Variants in CENPI observed in about 807,000 individuals in gnomAD.
CENPI encodes the protein FSH primary response 1.
In CENPI, 4 loss-of-function variants were observed where a neutral mutation model predicts 60.4. That is an observed-to-expected ratio of 0.07 (90% CI 0.03 to 0.15). CENPI has a LOEUF of 0.15. Ranked by LOEUF, CENPI falls within the 10% of genes least tolerant of loss-of-function variation. The probability of loss-of-function intolerance (pLI) is 1.00; values close to 1 mark genes in which losing one functional copy is unlikely to be tolerated. For synonymous variants in CENPI, 157 were observed against 189.4 expected (o/e 0.83, Z 1.40); for missense variants, 444 against 534.5 (o/e 0.83, Z 1.67).
chrX:101,107,563 G>GC lies in CENPI; in HGVS notation c.365-1908dup, dbSNP rs1201427182. ...GTAGAGATGGGGTTTCACCATGTTG[G>GC]CCATGCTGGTCTTGAACTCCTGACC... On this transcript the variant is annotated intron_variant, in intron 4 of 21. Coordinates refer to ENST00000682095, the MANE Select transcript of CENPI (RefSeq NM_001386188.2). Among the ~76,000 whole-genome samples the GC allele has an allele frequency of 6.0e-4, 66 of 110,026 alleles. 1 individual carries two copies. Among genetic ancestry groups the GC allele is most frequent in the Non-Finnish European group, 1.7e-4 (9 of 52,844 alleles).
the CENPI span, among the ~76,000 whole-genome samples, chrX:101,178,203 C>T: frequency 7.2e-5 from 8 of 110,507 alleles, no homozygotes; most frequent in South Asian, 3.9e-4. Flanking sequence ...CAGGCTGCTT[C>T]GCATCCCTCT....
At chrX:101,138,531 T>G (rs2089874308) in intron 15 of CENPI, among the ~76,000 whole-genome samples, 1 of 110,218 alleles carries the variant, frequency 9.1e-6, no homozygotes, top group African/African-American at 3.3e-5. Flanking sequence ...TTTCTCCATG[T>G]TGGCCAGGAT....
chrX:101,124,861 TC>T (rs767039226), intron 8 of CENPI, among the ~76,000 whole-genome samples: 1 of 112,042 alleles, frequency 8.9e-6, no homozygotes, highest in South Asian at 3.7e-4. Context: ...TAAACCTCTT[TC>T]CTTTATAAAT....
At chrX:101,134,101 G>A (rs147273609) in intron 15 of CENPI, among the ~76,000 whole-genome samples, 1,155 of 111,368 alleles carry the variant, frequency 0.01, 12 homozygotes, top group Non-Finnish European at 0.017. Context: ...AGATGGAGTC[G>A]AAGGAGCCAG....
At chrX:101,101,791 G>A (rs2089420127) in intron 3 of CENPI, among the ~76,000 whole-genome samples, 1 of 112,481 alleles carries the variant, frequency 8.9e-6, no homozygotes, top group East Asian at 2.8e-4. Flanking sequence ...GCATAATCCA[G>A]CTTTCCTCAC....
intron 21 of CENPI, among the ~76,000 whole-genome samples, chrX:101,162,471 A>ATATATATATAT (rs1182467283): frequency 2.6e-5 from 2 of 76,290 alleles, no homozygotes; most frequent in African/African-American, 1.2e-4. Context: ...AAAAAAAAAA[A>ATATATATATAT]AAATATATAT....
At chrX:101,180,478 G>A in the CENPI span, among the ~76,000 whole-genome samples, 1 of 111,812 alleles carries the variant, frequency 8.9e-6, no homozygotes, top group Non-Finnish European at 1.9e-5. Context: ...TTTGGTTGTC[G>A]AGTTCGAAGA....
intron 8 of CENPI, among the ~76,000 whole-genome samples, chrX:101,121,887 C>G (rs1449715531): frequency 9.7e-6 from 1 of 102,671 alleles, no homozygotes; most frequent in African/African-American, 3.6e-5. Context: ...ACTGCAACCT[C>G]TGTCTCCCGG....
chrX:101,131,012 C>A (rs2089790430), intron 13 of CENPI, among the ~76,000 whole-genome samples: 1 of 110,917 alleles, frequency 9.0e-6, no homozygotes, highest in Admixed American at 9.7e-5. Context: ...TTTTTTTAGA[C>A]AAGGTCTTGC....
In CENPI at chrX:101,163,636, TTAAGTG is replaced by T. The variant is rs1247156836; in HGVS notation, c.*674_*679del. ...ATGTGTGTGTCTGTAGCTTCAGTTT[TTAAGTG>T]TAAGGACTAAATAAACTAACTGAAA... On this transcript the variant is annotated 3_prime_UTR_variant, in exon 22 of 22. Coordinates refer to ENST00000682095, the MANE Select transcript of CENPI (RefSeq NM_001386188.2). 4.4e-5 allele frequency: 5 copies of T among 112,605 alleles called. No homozygotes were observed. The highest frequency in any genetic ancestry group is 7.5e-5 in the Non-Finnish European group (4 of 53,326). 9.3% of individuals were successfully genotyped at this position (112,605 alleles called of 1,213,427 possible).
At chrX:101,132,653 C>T (rs2089806506) in intron 15 of CENPI, among the ~76,000 whole-genome samples, 197 bp downstream of exon 15, 1 of 111,799 alleles carries the variant, frequency 8.9e-6, no homozygotes, top group Non-Finnish European at 1.9e-5. Flanking sequence ...ATACAGTTTT[C>T]CTGACCTGTT....
chrX:101,108,035 G>A (rs1178170784), intron 4 of CENPI, among the ~76,000 whole-genome samples: 1 of 109,681 alleles, frequency 9.1e-6, no homozygotes, highest in Non-Finnish European at 1.9e-5. Context: ...AATTACAGGC[G>A]TGAGCTACTG....
intron 9 of CENPI, 140 bp downstream of exon 9, chrX:101,126,938 T>A: frequency 1.5e-6 from 1 of 660,477 alleles, no homozygotes; most frequent in Non-Finnish European, 2.3e-6. Context: ...GGGAAAGTTT[T>A]TTTTTAGGAA....
chrX:101,154,574 CT>C (rs2090036280), intron 20 of CENPI, among the ~76,000 whole-genome samples: 1 of 111,077 alleles, frequency 9.0e-6, no homozygotes, highest in South Asian at 3.8e-4. Context: ...GAGCAAAACT[CT>C]GTCTAAAAAA....
the CENPI span, among the ~76,000 whole-genome samples, chrX:101,178,479 C>T: frequency 1.1e-5 from 1 of 92,212 alleles, no homozygotes; most frequent in East Asian, 3.6e-4. Context: ...GGCATGATCT[C>T]GGCTCACTGC....
At chrX:101,128,464 C>T (rs1272073897) in intron 11 of CENPI, among the ~76,000 whole-genome samples, 2 of 111,262 alleles carry the variant, frequency 1.8e-5, no homozygotes, top group African/African-American at 6.5e-5. Flanking sequence ...AGCAACTGCT[C>T]TCCAGCCTGG....
At chrX:101,158,583 A>G (rs1420162873) in intron 20 of CENPI, among the ~76,000 whole-genome samples, 1 of 105,069 alleles carries the variant, frequency 9.5e-6, no homozygotes, top group Non-Finnish European at 1.9e-5. Flanking sequence ...GGCTGGAATG[A>G]TTTTTAAGTA....
intron 20 of CENPI, 33 bp downstream of exon 20, chrX:101,148,194 A>G: frequency 2.8e-6 from 3 of 1,061,647 alleles, no homozygotes; most frequent in Non-Finnish European, 2.6e-6. Context: ...TAGATTTTGT[A>G]TCTTAATACT....
chrX:101,113,515 T>A (rs2089582061), intron 6 of CENPI, among the ~76,000 whole-genome samples: 2 of 110,432 alleles, frequency 1.8e-5, no homozygotes, highest in African/African-American at 6.6e-5. Context: ...ACAGGGTTTC[T>A]CCAGGTTGGT....
Sources: allele counts gnomAD v4.1 joint callset (sites outside exome capture counted in the v4.1 genomes callset), GRCh38; gene constraint gnomAD v4.1.1; transcripts MANE v1.5; gene names NCBI Gene and HGNC (gene_info 2026-07-23, HGNC 2026-07-21).